The following SIDT1 variants were observed in gnomAD, a reference collection of about 807,000 sequenced individuals.
The protein encoded by SIDT1 is SID1 transmembrane family, member 1.
A neutral mutation model predicts 107.5 loss-of-function variants in SIDT1; 101 were observed. That is an observed-to-expected ratio of 0.94 (90% CI 0.80 to 1.11). The LOEUF (loss-of-function observed/expected upper bound fraction) is 1.11, where lower values mean the gene tolerates loss of function less well. Ranked by LOEUF, SIDT1 falls within the 50% of genes least tolerant of loss-of-function variation. The pLI is 0.00. For missense variants in SIDT1, 1,076 were observed against 1,058.2 expected, an observed-to-expected ratio of 1.02 and a Z score of -0.23; for synonymous variants, 395 against 398.2, an observed-to-expected ratio of 0.99 and a Z score of 0.10.
intron 17 of SIDT1, among the ~76,000 whole-genome samples, chr3:113,609,664 G>A (rs573755657): frequency 1.3e-5 from 2 of 152,306 alleles, no homozygotes; most frequent in East Asian, 1.9e-4. Flanking sequence ...TTAAACGGTC[G>A]TTTAATGTTT....
chr3:113,595,512 G>A (rs2107619688), intron 10 of SIDT1, among the ~76,000 whole-genome samples: 1 of 152,166 alleles, frequency 6.6e-6, no homozygotes, highest in South Asian at 2.1e-4. Flanking sequence ...CCAGGATGTT[G>A]GGGCTGCAGT....
chr3:113,540,614 T>C (rs1560005304), intron 1 of SIDT1, among the ~76,000 whole-genome samples: 1 of 152,242 alleles, frequency 6.6e-6, no homozygotes, highest in South Asian at 2.1e-4. Flanking sequence ...ATTTTAGATA[T>C]TGCATCTTAA....
At chr3:113,545,114 T>TAA (rs554009768) in intron 1 of SIDT1, among the ~76,000 whole-genome samples, 3,503 of 73,928 alleles carry the variant, frequency 0.047, 273 homozygotes, top group African/African-American at 0.074. Context: ...GAGACTCTGT[T>TAA]AAAAAAAAAA....
intron 10 of SIDT1, among the ~76,000 whole-genome samples, chr3:113,595,146 C>T (rs1560093674): frequency 6.6e-6 from 1 of 152,214 alleles, no homozygotes; most frequent in African/African-American, 2.4e-5. Context: ...GTTTCTCAAA[C>T]TCAATATTAT....
At chr3:113,588,119 G>A (rs1400765649) in intron 9 of SIDT1, among the ~76,000 whole-genome samples, 1 of 152,198 alleles carries the variant, frequency 6.6e-6, no homozygotes, top group East Asian at 1.9e-4. Flanking sequence ...CTAATAGCTG[G>A]TTATCAATCG....
chr3:113,537,647 G>A (rs1223435980), intron 1 of SIDT1, among the ~76,000 whole-genome samples: 2 of 152,196 alleles, frequency 1.3e-5, no homozygotes, highest in Non-Finnish European at 2.9e-5. Context: ...CCACCTTGGC[G>A]GATATAACCG....
chr3:113,561,108 C>A (rs1941389118), intron 1 of SIDT1, among the ~76,000 whole-genome samples: 1 of 152,138 alleles, frequency 6.6e-6, no homozygotes, highest in Non-Finnish European at 1.5e-5. Context: ...TGTCAGGGCC[C>A]ATTAAGCATG....
At chr3:113,614,974 A>G in intron 19 of SIDT1, 1 of 1,390,996 alleles carries the variant, frequency 7.2e-7, no homozygotes, top group Non-Finnish European at 9.8e-7. Context: ...TTGAGAAAAA[A>G]TAAAATGACC....
At chr3:113,601,460 C>G in intron 10 of SIDT1, 128 bp from the exon 11 acceptor site, 1 of 644,464 alleles carries the variant, frequency 1.6e-6, no homozygotes, top group South Asian at 2.0e-5. Flanking sequence ...TTTGGTGACT[C>G]CTGTATTAGT....
In SIDT1 at chr3:113,567,704, AGCTCCG is replaced by A. The variant is rs1410114586; in HGVS notation, c.511_515+1del. ...CTAGTTACCAAGCTGAAGCACTTCCAGCTCCGGTAAGCGGGACTTTCTCTGTTTACC... is the reference window on the plus strand; with the variant it reads ...CTAGTTACCAAGCTGAAGCACTTCCAGTAAGCGGGACTTTCTCTGTTTACC... On this transcript the variant is annotated inframe_deletion and splice_region_variant, in exon 3 of 25. Transcript: ENST00000264852. 1 of 1,613,418 alleles carries A rather than the reference AGCTCCG, an allele frequency of 6.2e-7. No homozygotes were observed. Among genetic ancestry groups the A allele is most frequent in the Non-Finnish European group, 8.5e-7 (1 of 1,179,760 alleles).
chr3:113,544,675 G>A (rs1449358440), intron 1 of SIDT1, among the ~76,000 whole-genome samples: 1 of 152,036 alleles, frequency 6.6e-6, no homozygotes, highest in Admixed American at 6.5e-5. Flanking sequence ...ACGCAGAACT[G>A]GCACTGCATC....
chr3:113,566,346 G>GTT (rs1941909092), intron 1 of SIDT1, 74 bp from the exon 2 acceptor site: 2 of 1,389,858 alleles, frequency 1.4e-6, no homozygotes, highest in Non-Finnish European at 2.0e-6. Context: ...GTTTGTGTGT[G>GTT]TGTGTGTGTG....
intron 1 of SIDT1, among the ~76,000 whole-genome samples, chr3:113,550,375 G>A (rs974996526): frequency 6.6e-6 from 1 of 152,144 alleles, no homozygotes; most frequent in Non-Finnish European, 1.5e-5. Context: ...GAGCCATAAC[G>A]AATAATCTCA....
At chr3:113,583,357 C>CCCTTCTACCTCTTTCTT in intron 6 of SIDT1, 52 bp from the exon 7 acceptor site, 1 of 1,412,724 alleles carries the variant, frequency 7.1e-7, no homozygotes, top group Non-Finnish European at 9.8e-7. Flanking sequence ...GGGACTTTCT[C>CCCTTCTACCTCTTTCTT]CCTTCTACCT....
chr3:113,556,521 G>T (rs961703438), intron 1 of SIDT1, among the ~76,000 whole-genome samples: 7 of 152,138 alleles, frequency 4.6e-5, no homozygotes, highest in African/African-American at 1.4e-4. Flanking sequence ...GCAATCCCAT[G>T]AAGAGTCTTG....
Position 113,607,086 on chromosome 3 carries a change from C to T in SIDT1, c.1450C>T (p.Leu484Phe), listed in dbSNP as rs762737967. 6.2e-7 allele frequency: 1 copy of T among 1,613,364 alleles called. No homozygotes were observed. Among genetic ancestry groups the T allele is most frequent in the Admixed American group, 1.7e-5 (1 of 60,024 alleles). Reference sequence around the variant, plus strand: ...CCAGGACATCTGTTACTACAACTTCCTCTGTGCTCACCCCTTGGGCGTCCT... The same window carrying T: ...CCAGGACATCTGTTACTACAACTTCTTCTGTGCTCACCCCTTGGGCGTCCT... ...GNQDICYYNF[L>F]CAHPLGVLSA... Residue 484 changes from leucine to phenylalanine, a missense_variant, in exon 15 of 25, where the codon CTC (leucine) becomes TTC (phenylalanine). Transcript: ENST00000264852.
chr3:113,569,502 G>A (rs1576799072), intron 3 of SIDT1, among the ~76,000 whole-genome samples: 2 of 152,298 alleles, frequency 1.3e-5, no homozygotes, highest in South Asian at 2.1e-4. Flanking sequence ...AAAAACATCT[G>A]TAGCCAGTAG....
chr3:113,589,875 A>C (rs1290573024), intron 9 of SIDT1: 1 of 152,972 alleles, frequency 6.5e-6, no homozygotes, highest in Non-Finnish European at 1.5e-5. Flanking sequence ...TTCAATAAAA[A>C]TTTAGTGATC....
intron 19 of SIDT1, among the ~76,000 whole-genome samples, chr3:113,612,628 T>G (rs1200039953): frequency 6.6e-6 from 1 of 152,206 alleles, no homozygotes. Context: ...TTTCAGATTC[T>G]AGGGCTGGAA....
Sources: allele counts gnomAD v4.1 joint callset (sites outside exome capture counted in the v4.1 genomes callset), GRCh38; gene constraint gnomAD v4.1.1; transcripts MANE v1.5; gene names NCBI Gene and HGNC (gene_info 2026-07-23, HGNC 2026-07-21).